The following MEGF8 variants were observed in gnomAD, a reference collection of about 807,000 sequenced individuals.
MEGF8 encodes the protein multiple EGF like domains 8.
Under a neutral mutation model 302.9 loss-of-function variants are expected in MEGF8, and 156 were observed. That is an observed-to-expected ratio of 0.52 (90% CI 0.45 to 0.59). MEGF8 has a LOEUF of 0.59. Among genes scored for constraint, MEGF8 ranks in the 20% least tolerant of loss-of-function variants. The pLI, the probability that MEGF8 is intolerant of heterozygous loss-of-function variation, is 0.00. For missense variants in MEGF8, 3,345 were observed against 3,964.5 expected (o/e 0.84, Z 4.20); for synonymous variants, 1,621 against 1,660.5 (o/e 0.98, Z 0.58).
In MEGF8 at chr19:42,354,118, G is replaced by GTT. The variant is rs36065839; in HGVS notation, c.4011+106_4011+107dup. ...CTCAGACCCTGACCCTAGTATTGCT[G>GTT]TTTTTTTTTTTTTGTTTTTTTAATC... On this transcript the variant is annotated intron_variant, in intron 22 of 41. Coordinates refer to ENST00000251268, the MANE Select transcript of MEGF8 (RefSeq NM_001271938.2). This position sits in a 1 kb window ranked among gnomAD's most constrained non-coding sequence, Gnocchi z 4.3. 3,033 of 1,126,996 alleles carry GTT rather than the reference G, an allele frequency of 2.7e-3. No individual in the cohort carries two copies. The highest frequency in any genetic ancestry group is 3.4e-3 in the South Asian group (186 of 53,980). The allele number at this position is 1,126,996 out of a possible 1,614,324, so 69.8% of individuals were successfully genotyped here.
At chr19:42,373,686 G>A (rs960904418) in intron 41 of MEGF8, among the ~76,000 whole-genome samples, 1 of 147,402 alleles carries the variant, frequency 6.8e-6, no homozygotes, top group African/African-American at 2.5e-5. Flanking sequence ...GTGAGCCACC[G>A]TGCCTGGTTG....
At position 42,357,358 on chromosome 19, in the gene MEGF8, C is replaced by T. The variant is rs1442805149; in HGVS notation, c.4831-46C>T. On this transcript the variant is annotated intron_variant, in intron 27 of 41. Transcript: ENST00000251268. The surrounding 1 kb of genome is among the most constrained non-coding windows in gnomAD (Gnocchi z 5.2). ...GGCTCGCTTCTACCCACAAGGTGAC[C>T]CCTGACCTCTAGCCCCATCGGTGAC... 2.5e-6 allele frequency: 4 copies of T among 1,591,394 alleles called. No homozygotes were observed. In the African/African-American group the frequency reaches 4.0e-5, roughly 16 times the overall value.
intron 38 of MEGF8, 139 bp from the exon 39 acceptor site, chr19:42,370,050 C>A: frequency 1.0e-6 from 1 of 985,300 alleles, no homozygotes; most frequent in Non-Finnish European, 1.5e-6. Context: ...GGGCTAAATC[C>A]CGCTGGGATT....
At position 42,370,787 on chromosome 19, in the gene MEGF8, G is replaced by C. The variant is rs2039675312; in HGVS notation, c.7092G>C (p.Glu2364Asp). The C allele has an allele frequency of 1.3e-6, 2 of 1,513,740 alleles. No individual in the cohort carries two copies. The highest frequency in any genetic ancestry group is 1.8e-6 in the Non-Finnish European group (2 of 1,113,682). 93.8% of individuals were successfully genotyped at this position (1,513,740 alleles called of 1,614,324 possible). Residue 2364 changes from glutamate (E) to aspartate (D), a missense_variant, in exon 40 of 42, where the codon GAG becomes GAC. Physicochemically the swap from Glu to Asp is conservative, Grantham distance 45. Coordinates refer to ENST00000251268, the MANE Select transcript of MEGF8 (RefSeq NM_001271938.2). ...ATAACAGCTATGGGGAGAAATGCGAGAGCTGCCTGCAGGGCTACTTCCTCC... is the reference window on the plus strand; with the variant it reads ...ATAACAGCTATGGGGAGAAATGCGACAGCTGCCTGCAGGGCTACTTCCTCC... ...CQNNSYGEKC[E>D]SCLQGYFLLD...
In MEGF8 at chr19:42,369,739, C is replaced by T. The variant is rs2039659284; in HGVS notation, c.6834+16C>T. 4 of 1,584,212 alleles carry T rather than the reference C, an allele frequency of 2.5e-6. No individual in the cohort carries two copies. The highest frequency in any genetic ancestry group is 3.4e-6 in the Non-Finnish European group (4 of 1,167,222). On this transcript the variant is annotated intron_variant, in intron 38 of 41. Transcript: ENST00000251268. This position sits in a 1 kb window ranked among gnomAD's most constrained non-coding sequence, Gnocchi z 5.7. ...CCACACCAAGGTGGGCCGCCCGGAG[C>T]CTCAGACCCCCGACCCTGGGACCCA...
chr19:42,373,100 C>CTT (rs371697506), intron 41 of MEGF8, among the ~76,000 whole-genome samples: 4 of 145,448 alleles, frequency 2.8e-5, no homozygotes, highest in African/African-American at 1.0e-4. Context: ...TTCTTGGTTC[C>CTT]TTTTTTTTTT....
In MEGF8 at chr19:42,328,569, T is replaced by C. The variant is rs189543557; in HGVS notation, c.187+2139T>C. 2.0e-5 allele frequency among the ~76,000 whole-genome samples: 3 copies of C among 148,556 alleles called. No homozygotes were observed. In the East Asian group the frequency reaches 5.9e-4, roughly 29 times the overall value. ...AGTGGGATGAGAACAGAATAGGAAGTGTGTGTGTGTGTGTGTGTGTGGCGA... is the reference window on the plus strand; with the variant it reads ...AGTGGGATGAGAACAGAATAGGAAGCGTGTGTGTGTGTGTGTGTGTGGCGA... On this transcript the variant is annotated intron_variant, in intron 1 of 41. Coordinates refer to ENST00000251268, the MANE Select transcript of MEGF8 (RefSeq NM_001271938.2).
intron 39 of MEGF8, 42 bp from the exon 40 acceptor site, chr19:42,370,659 G>C (rs200382894): frequency 2.2e-5 from 35 of 1,572,148 alleles, no homozygotes; most frequent in Non-Finnish European, 3.0e-5. Flanking sequence ...GGAGGGGGTT[G>C]GTCCAGGCCT....
intron 8 of MEGF8, among the ~76,000 whole-genome samples, chr19:42,342,187 C>A (rs1243437755): frequency 1.3e-5 from 2 of 152,206 alleles, no homozygotes; most frequent in African/African-American, 4.8e-5. Context: ...CCTCTTCCTG[C>A]TTCGCAGTTT....
chr19:42,367,224 TG>T (rs2039618230), intron 35 of MEGF8, among the ~76,000 whole-genome samples: 1 of 152,116 alleles, frequency 6.6e-6, no homozygotes, highest in Non-Finnish European at 1.5e-5. Flanking sequence ...GTTCTCAGTG[TG>T]GGGTAAGAGA....
chr19:42,341,337 G>A (rs2039209971), intron 8 of MEGF8, among the ~76,000 whole-genome samples: 1 of 149,876 alleles, frequency 6.7e-6, no homozygotes, highest in South Asian at 2.1e-4. Context: ...GCTGAGGCAG[G>A]AGAATCGCTT....
Position 42,351,661 on chromosome 19 carries a change from C to T in MEGF8, c.3001C>T (p.Pro1001Ser), listed in dbSNP as rs1408017534. The T allele has an allele frequency of 1.3e-6, 2 of 1,590,188 alleles. No individual in the cohort carries two copies. The highest frequency in any genetic ancestry group is 1.7e-6 in the Non-Finnish European group (2 of 1,169,056). The change falls in exon 18 of 42, where the codon CCA (proline) becomes TCA (serine). Residue 1001 changes from proline (P) to serine (S), a missense_variant. Physicochemically the swap from Pro to Ser is moderately conservative, Grantham distance 74. Coordinates refer to ENST00000251268, the MANE Select transcript of MEGF8 (RefSeq NM_001271938.2). This position sits in a 1 kb window ranked among gnomAD's most constrained non-coding sequence, Gnocchi z 5.6. ...GCCATCCTGCAGTGTACACTCGGAG[C>T]CACGGTGCCGGAGCTGCGATGGCTT... ...RGWDDSVHSE[P>S]RCRSCDGFLT...
intron 9 of MEGF8, 52 bp from the exon 10 acceptor site, chr19:42,343,902 G>T (rs2039249679): frequency 6.3e-7 from 1 of 1,586,176 alleles, no homozygotes; most frequent in Admixed American, 1.7e-5. Flanking sequence ...GGTCTGAGAG[G>T]CCTCCTCCTC....
In MEGF8 at chr19:42,356,847, C is replaced by T. The variant is rs1184873585; in HGVS notation, c.4696C>T (p.Arg1566Cys). 6.4e-6 allele frequency: 10 copies of T among 1,572,768 alleles called. No individual in the cohort carries two copies. Among genetic ancestry groups the T allele is most frequent in the African/African-American group, 2.7e-5 (2 of 74,024 alleles). Reference sequence around the variant, plus strand: ...GGACGGGGGCCCAGGCCCATCGCCCCGCTCCTTCCATGCAGCCGCATATGT... The same window carrying T: ...GGACGGGGGCCCAGGCCCATCGCCCTGCTCCTTCCATGCAGCCGCATATGT... ...AEDGGPGPSP[R>C]SFHAAAYVPA... is the part of the protein sequence containing the mutation. The change falls in exon 27 of 42, where the codon CGC (arginine) becomes TGC (cysteine). Residue 1566 changes from arginine to cysteine, a missense_variant. By Grantham distance (180) the Arg-to-Cys change is radical. Coordinates refer to ENST00000251268, the MANE Select transcript of MEGF8 (RefSeq NM_001271938.2). This position sits in a 1 kb window ranked among gnomAD's most constrained non-coding sequence, Gnocchi z 5.2.
chr19:42,367,301 T>C (rs2039620344), intron 35 of MEGF8, among the ~76,000 whole-genome samples: 1 of 151,200 alleles, frequency 6.6e-6, no homozygotes, highest in Non-Finnish European at 1.5e-5. Context: ...TTTTTTTTTT[T>C]TTTTTGAGAC....
intron 8 of MEGF8, among the ~76,000 whole-genome samples, chr19:42,340,527 C>T (rs565098497): frequency 6.6e-6 from 1 of 152,224 alleles, no homozygotes; most frequent in East Asian, 1.9e-4. Flanking sequence ...CCGTGCCTGG[C>T]CTAATTTTTG....
chr19:42,359,539 G>C (rs1287016022), intron 31 of MEGF8, among the ~76,000 whole-genome samples: 2 of 152,054 alleles, frequency 1.3e-5, no homozygotes, highest in African/African-American at 4.8e-5. Context: ...ATTAGACATG[G>C]GGGTGTTTCC....
At position 42,370,818 on chromosome 19, in the gene MEGF8, G is replaced by A. The variant is rs1178433906; in HGVS notation, c.7123G>A (p.Gly2375Arg). The A allele has an allele frequency of 2.9e-5, 25 of 853,452 alleles. No homozygotes were observed. The highest frequency in any genetic ancestry group is 5.5e-5 in the African/African-American group (3 of 54,690). 52.9% of individuals were successfully genotyped at this position (853,452 alleles called of 1,614,324 possible). Reference sequence around the variant, plus strand: ...CCTGCAGGGCTACTTCCTCCTGGACGGGAAGTGCACCAAGTAAGAGGAACC... The same window carrying A: ...CCTGCAGGGCTACTTCCTCCTGGACAGGAAGTGCACCAAGTAAGAGGAACC... ...SCLQGYFLLD[G>R]KCTKCQCNGH... The change falls in exon 40 of 42, where the codon GGG (glycine) becomes AGG (arginine). Residue 2375 changes from glycine (G) to arginine (R), a missense_variant. Coordinates refer to ENST00000251268, the MANE Select transcript of MEGF8 (RefSeq NM_001271938.2).
Position 42,356,109 on chromosome 19 carries a change from G to A in MEGF8, c.4419G>A (p.Glu1473=), listed in dbSNP as rs2039448310. ...GCCTGGGTGTGTGCATCTGTGCCGA[G>A]GGCTTCGGGGGCCCCGACTGCGCCA... ...NQSLGVCICA[E]GFGGPDCATK... The change falls in exon 25 of 42, where the codon GAG becomes GAA. Residue 1473 remains glutamate (E), a synonymous_variant. Coordinates refer to ENST00000251268, the MANE Select transcript of MEGF8 (RefSeq NM_001271938.2). The surrounding 1 kb of genome is among the most constrained non-coding windows in gnomAD (Gnocchi z 5.2). The A allele has an allele frequency of 6.3e-7, 1 of 1,586,442 alleles. No homozygotes were observed. The highest frequency in any genetic ancestry group is 2.3e-5 in the East Asian group (1 of 44,198).
Sources: allele counts gnomAD v4.1 joint callset (sites outside exome capture counted in the v4.1 genomes callset), GRCh38; gene constraint gnomAD v4.1.1; non-coding constraint Gnocchi (gnomAD v3.1); transcripts MANE v1.5; gene names NCBI Gene and HGNC (gene_info 2026-07-23, HGNC 2026-07-21).